The following NCOA3 variants were observed in gnomAD, a reference collection of about 807,000 sequenced individuals.
NCOA3 encodes the protein CBP-interacting protein.
In NCOA3, 51 loss-of-function variants were observed where a neutral mutation model predicts 158.8. The observed-to-expected ratio is 0.32, with a 90% confidence interval of 0.26 to 0.41. The LOEUF (loss-of-function observed/expected upper bound fraction) is 0.41. Ranked by LOEUF, NCOA3 falls within the 10% of genes least tolerant of loss-of-function variation. NCOA3 has a pLI of 1.00. For synonymous variants in NCOA3, 537 were observed against 592.4 expected (o/e 0.91, Z 1.36); for missense variants, 1,510 against 1,746.6 (o/e 0.86, Z 2.41).
intron 1 of NCOA3, among the ~76,000 whole-genome samples, chr20:47,558,232 ATTTTTTTTTTTTTTT>A (rs71183263): frequency 5.4e-5 from 3 of 55,528 alleles, no homozygotes; most frequent in South Asian, 1.3e-3. Flanking sequence ...CTAATTTTGT[ATTTTTTTTTTTTTTT>A]TTTTTTTTTT....
intron 1 of NCOA3, among the ~76,000 whole-genome samples, chr20:47,581,093 G>A (rs978477359): frequency 2.0e-5 from 3 of 152,054 alleles, no homozygotes; most frequent in African/African-American, 7.2e-5. Flanking sequence ...CACAGAGTGA[G>A]ATCCTGTCTC....
chr20:47,653,517 A>G lies in NCOA3; in HGVS notation c.*100A>G. On this transcript the variant is annotated 3_prime_UTR_variant, in exon 23 of 23. Coordinates refer to ENST00000371998, the MANE Select transcript of NCOA3 (RefSeq NM_181659.3). ...TTGTTCCAGGCATCCATCTTGGAAG[A>G]AAGGACCAGCTTTGAGCTCCATCAA... 1 of 1,399,058 alleles carries G rather than the reference A, an allele frequency of 7.1e-7. No individual in the cohort carries two copies. Among genetic ancestry groups the G allele is most frequent in the Non-Finnish European group, 1.0e-6 (1 of 1,003,014 alleles). 86.7% of individuals were successfully genotyped at this position (1,399,058 alleles called of 1,614,324 possible).
intron 1 of NCOA3, among the ~76,000 whole-genome samples, chr20:47,545,339 G>A (rs1231182335): frequency 6.6e-6 from 1 of 151,874 alleles, no homozygotes; most frequent in African/African-American, 2.4e-5. Flanking sequence ...ACCACGCCCA[G>A]CTAATTTTTG....
At position 47,622,304 on chromosome 20, in the gene NCOA3, A is replaced by G. The variant is rs1316123321; in HGVS notation, c.57A>G (p.Lys19=). The G allele has an allele frequency of 1.2e-6, 2 of 1,606,952 alleles. No homozygotes were observed. Among genetic ancestry groups the G allele is most frequent in the Non-Finnish European group, 1.7e-6 (2 of 1,177,136 alleles). Residue 19 remains lysine (K), a synonymous_variant, in exon 3 of 23, where the codon AAA becomes AAG. Coordinates refer to ENST00000371998, the MANE Select transcript of NCOA3 (RefSeq NM_181659.3). ...TGGCCAGTGATTCACGAAAACGCAAATTGCCATGTGATACTCCAGGACAAG... is the reference window on the plus strand; with the variant it reads ...TGGCCAGTGATTCACGAAAACGCAAGTTGCCATGTGATACTCCAGGACAAG... ...DPLASDSRKR[K]LPCDTPGQGL...
chr20:47,505,929 C>T (rs568255056), intron 1 of NCOA3, among the ~76,000 whole-genome samples: 4 of 151,894 alleles, frequency 2.6e-5, no homozygotes, highest in South Asian at 2.1e-4. Flanking sequence ...AGCCCCTGCC[C>T]GAGTAGCTGG....
Position 47,636,019 on chromosome 20 carries a change from G to A in NCOA3, c.1633G>A (p.Gly545Ser), listed in dbSNP as rs1319266347. 1 of 1,614,038 alleles carries A rather than the reference G, an allele frequency of 6.2e-7. No individual in the cohort carries two copies. The highest frequency in any genetic ancestry group is 1.1e-5 in the South Asian group (1 of 91,074). ...TSLLSTLSSP[G>S]PKLDNSPNMN... Reference sequence around the variant, plus strand: ...CCTTTTATCTACTCTGTCATCACCAGGCCCCAAATTGGATAACTCTCCCAA... The same window carrying A: ...CCTTTTATCTACTCTGTCATCACCAAGCCCCAAATTGGATAACTCTCCCAA... The change falls in exon 12 of 23, where the codon GGC becomes AGC. Residue 545 changes from glycine (G) to serine (S), a missense_variant. Coordinates refer to ENST00000371998, the MANE Select transcript of NCOA3 (RefSeq NM_181659.3).
chr20:47,634,257 TATTA>T, intron 10 of NCOA3, 62 bp downstream of exon 10: 1 of 1,500,720 alleles, frequency 6.7e-7, no homozygotes, highest in South Asian at 1.3e-5. Context: ...AATGCTTTAT[TATTA>T]AAGTAAAAAG....
At chr20:47,641,291 C>T (rs1291050075) in intron 16 of NCOA3, among the ~76,000 whole-genome samples, 4 of 149,772 alleles carry the variant, frequency 2.7e-5, no homozygotes, top group Non-Finnish European at 5.9e-5. Context: ...TTTGGTATTT[C>T]TCCAGACTCA....
intron 1 of NCOA3, among the ~76,000 whole-genome samples, chr20:47,509,232 T>C (rs1355596103): frequency 6.6e-6 from 1 of 150,682 alleles, no homozygotes; most frequent in African/African-American, 2.4e-5. Flanking sequence ...CTATAAAAAA[T>C]AGGAAAAAAA....
chr20:47,648,672 C>A (rs2086730600), intron 18 of NCOA3, among the ~76,000 whole-genome samples: 1 of 151,986 alleles, frequency 6.6e-6, no homozygotes, highest in Non-Finnish European at 1.5e-5. Context: ...TTCATGTTGC[C>A]CAGACTGATC....
chr20:47,514,023 G>T (rs1367012407), intron 1 of NCOA3, among the ~76,000 whole-genome samples: 1 of 152,240 alleles, frequency 6.6e-6, no homozygotes, highest in East Asian at 1.9e-4. Context: ...GGCAGGGAAG[G>T]AGGCAGCTAA....
chr20:47,581,773 A>C (rs1352154637), intron 1 of NCOA3, among the ~76,000 whole-genome samples: 4 of 152,198 alleles, frequency 2.6e-5, no homozygotes, highest in African/African-American at 9.7e-5. Flanking sequence ...CCATTTCTTC[A>C]AGTGCAAAAG....
chr20:47,521,544 T>A, intron 1 of NCOA3, among the ~76,000 whole-genome samples: 1 of 152,030 alleles, frequency 6.6e-6, no homozygotes. Context: ...TTGGCTAATT[T>A]AAAGAAAGTG....
At chr20:47,518,595 T>C (rs1052269571) in intron 1 of NCOA3, among the ~76,000 whole-genome samples, 2 of 151,738 alleles carry the variant, frequency 1.3e-5, no homozygotes, top group African/African-American at 2.4e-5. Context: ...CTGGCTACTT[T>C]TGTATTTTTA....
At position 47,652,439 on chromosome 20, in the gene NCOA3, G is replaced by A. The variant is rs137975729; in HGVS notation, c.3980G>A (p.Arg1327Gln). The A allele has an allele frequency of 4.3e-6, 7 of 1,609,448 alleles. No homozygotes were observed. The African/African-American group carries it at 5.3e-5, about 12-fold the overall frequency. The change falls in exon 21 of 23, where the codon CGA becomes CAA. Residue 1327 changes from arginine to glutamine, a missense_variant. Physicochemically the swap from Arg to Gln is conservative, Grantham distance 43. This residue lies in a region of NCOA3 where 180 missense variants were observed against 199.3 expected (regional missense o/e 0.90). Coordinates refer to ENST00000371998, the MANE Select transcript of NCOA3 (RefSeq NM_181659.3). Reference sequence around the variant, plus strand: ...CAACAACCAGATCCAGCCTTTGGTCGAGTGTCTAGTCCTCCCAATGCAATG... The same window carrying A: ...CAACAACCAGATCCAGCCTTTGGTCAAGTGTCTAGTCCTCCCAATGCAATG... ...MGQQPDPAFG[R>Q]VSSPPNAMMS...
chr20:47,533,900 T>C (rs2084590958), intron 1 of NCOA3, among the ~76,000 whole-genome samples: 1 of 152,074 alleles, frequency 6.6e-6, no homozygotes, highest in Non-Finnish European at 1.5e-5. Flanking sequence ...TACTCCAGCC[T>C]GGGCAACAGA....
At chr20:47,525,604 G>C (rs1602345400) in intron 1 of NCOA3, among the ~76,000 whole-genome samples, 1 of 142,204 alleles carries the variant, frequency 7.0e-6, no homozygotes, top group South Asian at 2.2e-4. Context: ...CGGCTGGCCG[G>C]GCGGGGGGCT....
At chr20:47,506,618 G>T (rs1420236824) in intron 1 of NCOA3, among the ~76,000 whole-genome samples, 1 of 152,196 alleles carries the variant, frequency 6.6e-6, no homozygotes, top group African/African-American at 2.4e-5. Context: ...AACTAACTGT[G>T]TAGTAAACTT....
At chr20:47,554,198 T>C (rs969719795) in intron 1 of NCOA3, among the ~76,000 whole-genome samples, 1 of 152,216 alleles carries the variant, frequency 6.6e-6, no homozygotes, top group African/African-American at 2.4e-5. Flanking sequence ...AAATGTCTTC[T>C]TTTGAGAAGT....
Sources: gnomAD v4.1 joint callset for allele counts (sites outside exome capture counted in the v4.1 genomes callset) on GRCh38, gnomAD v4.1.1 for gene constraint, gnomAD v4.1.1 regional missense constraint, MANE v1.5 for transcripts, NCBI Gene and HGNC (gene_info 2026-07-23, HGNC 2026-07-21) for gene names.